The following EXOC4 variants were observed in gnomAD, a reference collection of about 807,000 sequenced individuals.
EXOC4 encodes the protein SEC8-like 1.
A neutral mutation model predicts 107.2 loss-of-function variants in EXOC4; 71 were observed. That is an observed-to-expected ratio of 0.66 (90% CI 0.55 to 0.81). The LOEUF is 0.81. Among genes scored for constraint, EXOC4 ranks in the 30% least tolerant of loss-of-function variants. The pLI is 0.00. For synonymous variants in EXOC4, 456 were observed against 441.2 expected (o/e 1.03, Z -0.42); for missense variants, 1,108 against 1,189.6 (o/e 0.93, Z 1.01).
intron 10 of EXOC4, among the ~76,000 whole-genome samples, chr7:133,652,131 C>T (rs1320578830): frequency 1.3e-5 from 2 of 152,162 alleles, no homozygotes; most frequent in African/African-American, 2.4e-5. Context: ...GTGACACTGA[C>T]AGTAAATATT....
At chr7:133,865,352 G>C (rs966020211) in intron 11 of EXOC4, among the ~76,000 whole-genome samples, 1 of 152,132 alleles carries the variant, frequency 6.6e-6, no homozygotes, top group African/African-American at 2.4e-5. Context: ...ATTTTACCTA[G>C]AAATGACATA....
At chr7:133,296,188 T>C (rs754492421) in intron 3 of EXOC4, among the ~76,000 whole-genome samples, 1 of 152,190 alleles carries the variant, frequency 6.6e-6, no homozygotes, top group Non-Finnish European at 1.5e-5. Context: ...ATAATGCCAT[T>C]GTTGATAACT....
At chr7:133,765,077 A>G (rs1230060034) in intron 10 of EXOC4, among the ~76,000 whole-genome samples, 1 of 152,102 alleles carries the variant, frequency 6.6e-6, no homozygotes, top group African/African-American at 2.4e-5. Flanking sequence ...AGAGGTAGAT[A>G]GGACCTCTAG....
At chr7:133,437,232 G>A (rs1201169744) in intron 7 of EXOC4, among the ~76,000 whole-genome samples, 2 of 151,968 alleles carry the variant, frequency 1.3e-5, no homozygotes, top group African/African-American at 4.8e-5. Flanking sequence ...TGTGTTACTA[G>A]AGTTTTTAGA....
intron 10 of EXOC4, among the ~76,000 whole-genome samples, chr7:133,636,276 G>C (rs959314802): frequency 6.6e-6 from 1 of 152,176 alleles, no homozygotes; most frequent in African/African-American, 2.4e-5. Flanking sequence ...TAACCAGAAA[G>C]AGAAAACAGC....
At chr7:133,722,615 A>G (rs1795128261) in intron 10 of EXOC4, among the ~76,000 whole-genome samples, 1 of 152,176 alleles carries the variant, frequency 6.6e-6, no homozygotes, top group African/African-American at 2.4e-5. Flanking sequence ...TACGTACTTC[A>G]CCTTGAATTT....
At chr7:133,813,572 G>T (rs1315753469) in intron 10 of EXOC4, among the ~76,000 whole-genome samples, 5 of 152,068 alleles carry the variant, frequency 3.3e-5, no homozygotes, top group African/African-American at 1.2e-4. Context: ...AGAACAGAAG[G>T]GGTCATCGCA....
At chr7:133,526,865 G>C (rs1036670404) in intron 9 of EXOC4, among the ~76,000 whole-genome samples, 1 of 152,028 alleles carries the variant, frequency 6.6e-6, no homozygotes. Context: ...CCAGCTACTC[G>C]GGAGGCTGAG....
intron 3 of EXOC4, among the ~76,000 whole-genome samples, chr7:133,302,047 G>T (rs1407352573): frequency 6.6e-6 from 1 of 152,000 alleles, no homozygotes; most frequent in Non-Finnish European, 1.5e-5. Flanking sequence ...TAATTGCAAA[G>T]ATTTTCCTTT....
At chr7:134,038,674 G>A (rs745902364) in intron 17 of EXOC4, among the ~76,000 whole-genome samples, 8 of 151,180 alleles carry the variant, frequency 5.3e-5, no homozygotes, top group Non-Finnish European at 1.2e-4. Flanking sequence ...ATGTTCCTTC[G>A]CTATCCTCCA....
intron 10 of EXOC4, among the ~76,000 whole-genome samples, chr7:133,766,646 G>A (rs953833446): frequency 6.6e-6 from 1 of 151,896 alleles, no homozygotes; most frequent in East Asian, 1.9e-4. Context: ...CATCCTTTAA[G>A]GAAAACCTTG....
chr7:133,617,556 A>G (rs1157041827), intron 9 of EXOC4, among the ~76,000 whole-genome samples: 3 of 152,188 alleles, frequency 2.0e-5, no homozygotes, highest in Non-Finnish European at 4.4e-5. Flanking sequence ...TATTTACCAA[A>G]CCCAAGTGAA....
chr7:134,077,217 A>G, the EXOC4 span, among the ~76,000 whole-genome samples: 5 of 152,216 alleles, frequency 3.3e-5, no homozygotes, highest in Non-Finnish European at 4.4e-5. Context: ...ACAAAGGCTC[A>G]AGAACCAAGA....
intron 10 of EXOC4, among the ~76,000 whole-genome samples, chr7:133,725,078 A>G (rs1445724628): frequency 6.6e-6 from 1 of 152,256 alleles, no homozygotes; most frequent in Non-Finnish European, 1.5e-5. Flanking sequence ...GAAGTAGTCT[A>G]AAATCTGCAG....
chr7:133,370,827 C>T (rs141255230), intron 6 of EXOC4, among the ~76,000 whole-genome samples: 1 of 152,302 alleles, frequency 6.6e-6, no homozygotes, highest in Non-Finnish European at 1.5e-5. Context: ...TGTACCATTA[C>T]CTCAGCTAGT....
At chr7:133,670,657 A>C (rs1161180870) in intron 10 of EXOC4, among the ~76,000 whole-genome samples, 1 of 152,146 alleles carries the variant, frequency 6.6e-6, no homozygotes, top group Admixed American at 6.5e-5. Flanking sequence ...TTGTGTCTCT[A>C]TCTCTATATT....
At chr7:133,916,746 C>T (rs1252081889) in intron 12 of EXOC4, among the ~76,000 whole-genome samples, 3 of 152,172 alleles carry the variant, frequency 2.0e-5, no homozygotes, top group African/African-American at 7.2e-5. Flanking sequence ...TGGTCAGCCC[C>T]AGAGGAGAAG....
At chr7:133,840,716 C>T (rs556920650) in intron 11 of EXOC4, among the ~76,000 whole-genome samples, 123 of 151,986 alleles carry the variant, frequency 8.1e-4, no homozygotes, top group African/African-American at 2.8e-3. Flanking sequence ...CTCCTGGCCT[C>T]GCGATCCACC....
At chr7:133,807,829 G>A (rs1001156467) in intron 10 of EXOC4, among the ~76,000 whole-genome samples, 3 of 152,096 alleles carry the variant, frequency 2.0e-5, no homozygotes, top group Non-Finnish European at 4.4e-5. Flanking sequence ...AACAGCTGTC[G>A]TTTTTAGAGA....
Sources: allele counts gnomAD v4.1 joint callset (sites outside exome capture counted in the v4.1 genomes callset), GRCh38; gene constraint gnomAD v4.1.1; transcripts MANE v1.5; gene names NCBI Gene and HGNC (gene_info 2026-07-23, HGNC 2026-07-21).